The following FOXP2 variants were observed in gnomAD, a reference collection of about 807,000 sequenced individuals.
FOXP2 encodes forkhead box P2, also known as forkhead box protein P2.
FOXP2 carries 12 observed loss-of-function variants against 115.8 expected under a neutral mutation model. That is an observed-to-expected ratio of 0.10 (90% CI 0.07 to 0.17). The LOEUF is 0.17. Ranked by LOEUF, FOXP2 falls within the 10% of genes least tolerant of loss-of-function variation. FOXP2 has a pLI of 1.00. For synonymous variants in FOXP2, 328 were observed against 297.7 expected, an observed-to-expected ratio of 1.10 and a Z score of -1.05; for missense variants, 629 against 843.5, an observed-to-expected ratio of 0.75 and a Z score of 3.15.
At chr7:114,655,680 G>A (rs1267102841) in intron 10 of FOXP2, among the ~76,000 whole-genome samples, 1 of 152,158 alleles carries the variant, frequency 6.6e-6, no homozygotes, top group East Asian at 1.9e-4. Flanking sequence ...CTCATGTGCA[G>A]TGGCTCAGTT....
At chr7:114,185,138 A>C (rs1311111105) in intron 1 of FOXP2, among the ~76,000 whole-genome samples, 2 of 152,322 alleles carry the variant, frequency 1.3e-5, no homozygotes, top group African/African-American at 4.8e-5. Context: ...TGAATACTTA[A>C]TGCTTACAGT....
chr7:114,435,671 G>A (rs1401331900), intron 2 of FOXP2, among the ~76,000 whole-genome samples: 6 of 152,136 alleles, frequency 3.9e-5, no homozygotes, highest in Non-Finnish European at 7.4e-5. Flanking sequence ...CCGAATGGCT[G>A]GGATTACAGG....
intron 1 of FOXP2, among the ~76,000 whole-genome samples, chr7:114,256,637 C>T (rs1452225486): frequency 6.6e-6 from 1 of 152,106 alleles, no homozygotes; most frequent in African/African-American, 2.4e-5. Context: ...ACATATTTTA[C>T]CCATTCTGTG....
intron 2 of FOXP2, among the ~76,000 whole-genome samples, chr7:114,461,055 C>G (rs914027865): frequency 6.6e-6 from 1 of 152,110 alleles, no homozygotes; most frequent in Non-Finnish European, 1.5e-5. Flanking sequence ...ATGAAAAGTT[C>G]TCCTCTAGTG....
At position 114,368,562 on chromosome 7, in the gene FOXP2, G is replaced by T. The variant is rs996316393; in HGVS notation, c.-10-57940G>T. On this transcript the variant is annotated intron_variant, in intron 2 of 17. Transcript: ENST00000634411. ...CCTGAAGAAGGGTGGCAGAACAAGT[G>T]GTTGTAAAATACCTCTGCCATTTTT... Among the ~76,000 whole-genome samples, 12 of 152,212 alleles carry T rather than the reference G, an allele frequency of 7.9e-5. No homozygotes were observed. In the South Asian group the frequency reaches 2.1e-3, roughly 26 times the overall value.
chr7:114,331,786 C>T (rs1334181459), intron 2 of FOXP2, among the ~76,000 whole-genome samples: 1 of 151,552 alleles, frequency 6.6e-6, no homozygotes, highest in African/African-American at 2.4e-5. Flanking sequence ...TCTTGCATTA[C>T]AGGCATGCGC....
chr7:114,682,355 A>G (rs1247416926), intron 16 of FOXP2, among the ~76,000 whole-genome samples: 2 of 152,194 alleles, frequency 1.3e-5, no homozygotes, highest in African/African-American at 2.4e-5. Flanking sequence ...AATACATAAA[A>G]TGCATCACGG....
chr7:114,391,396 A>T (rs926621265), intron 2 of FOXP2, among the ~76,000 whole-genome samples: 4 of 152,216 alleles, frequency 2.6e-5, no homozygotes, highest in African/African-American at 9.6e-5. Flanking sequence ...TAAGTATTTT[A>T]CTCAAGATGT....
At chr7:114,115,924 C>A (rs538828110) in intron 1 of FOXP2, among the ~76,000 whole-genome samples, 1 of 152,220 alleles carries the variant, frequency 6.6e-6, no homozygotes, top group Non-Finnish European at 1.5e-5. Context: ...TTTATTTATT[C>A]ACTTATCTCT....
intron 1 of FOXP2, among the ~76,000 whole-genome samples, chr7:114,173,023 A>G (rs1793188556): frequency 6.6e-6 from 1 of 152,020 alleles, no homozygotes; most frequent in South Asian, 2.1e-4. Flanking sequence ...TCTTTAATAT[A>G]GATGTTTCAG....
chr7:114,239,613 G>T (rs1795100673), intron 1 of FOXP2, among the ~76,000 whole-genome samples: 1 of 152,120 alleles, frequency 6.6e-6, no homozygotes, highest in South Asian at 2.1e-4. Context: ...CCCAGTGAAT[G>T]TGAATGCTAG....
At chr7:114,593,324 G>A (rs1157222077) in intron 3 of FOXP2, among the ~76,000 whole-genome samples, 1 of 151,926 alleles carries the variant, frequency 6.6e-6, no homozygotes, top group Non-Finnish European at 1.5e-5. Flanking sequence ...GGGAGTCTGT[G>A]TGTGTATAAA....
At chr7:114,482,251 T>G (rs1796590902) in intron 2 of FOXP2, among the ~76,000 whole-genome samples, 1 of 151,536 alleles carries the variant, frequency 6.6e-6, no homozygotes, top group Non-Finnish European at 1.5e-5. Context: ...GAAGTCCTAC[T>G]CAATGCCTTG....
At chr7:114,186,582 C>T (rs981254119) in intron 1 of FOXP2, among the ~76,000 whole-genome samples, 3 of 152,164 alleles carry the variant, frequency 2.0e-5, no homozygotes, top group South Asian at 2.1e-4. Flanking sequence ...CATAACAGCC[C>T]TCAGAGGTTG....
In FOXP2 at chr7:114,208,705, G is replaced by T. The variant is rs1465520036; in HGVS notation, c.-102+45617G>T. 2.0e-5 allele frequency among the ~76,000 whole-genome samples: 3 copies of T among 152,076 alleles called. No individual in the cohort carries two copies. In the East Asian group the frequency reaches 5.8e-4, roughly 30 times the overall value. On this transcript the variant is annotated intron_variant, in intron 1 of 17. Transcript: ENST00000634411. ...TCATGGGGTCAGTCTTCCCCATGCT[G>T]GTCTCATGATAGTGAATAAGTCTCA...
intron 1 of FOXP2, among the ~76,000 whole-genome samples, chr7:114,102,691 A>G (rs955593963): frequency 1.2e-5 from 1 of 82,260 alleles, no homozygotes; most frequent in Non-Finnish European, 2.4e-5. Flanking sequence ...TACAAACACC[A>G]CACACCACAC....
At chr7:114,498,520 A>G (rs1343806349) in intron 2 of FOXP2, among the ~76,000 whole-genome samples, 5 of 152,134 alleles carry the variant, frequency 3.3e-5, no homozygotes, top group African/African-American at 1.2e-4. Context: ...TATTAACTTT[A>G]AAGAGCCATA....
intron 2 of FOXP2, among the ~76,000 whole-genome samples, chr7:114,312,874 C>T (rs938795881): frequency 2.0e-5 from 3 of 152,152 alleles, no homozygotes; most frequent in African/African-American, 7.2e-5. Flanking sequence ...TAAACACAAC[C>T]CTGATAAATG....
At chr7:114,619,645 T>C (rs1331510503) in intron 3 of FOXP2, among the ~76,000 whole-genome samples, 1 of 152,094 alleles carries the variant, frequency 6.6e-6, no homozygotes, top group Non-Finnish European at 1.5e-5. Context: ...GTGGAATTTG[T>C]ATATCCAATT....
Sources: allele counts gnomAD v4.1 joint callset (sites outside exome capture counted in the v4.1 genomes callset), GRCh38; gene constraint gnomAD v4.1.1; transcripts MANE v1.5; gene names NCBI Gene and HGNC (gene_info 2026-07-23, HGNC 2026-07-21).